The following IGSF11 variants were observed in gnomAD, a reference collection of about 807,000 sequenced individuals.
The protein encoded by IGSF11 is immunoglobulin superfamily member 11.
In IGSF11, 22 loss-of-function variants were observed where a neutral mutation model predicts 41.0. That is an observed-to-expected ratio of 0.54 (90% CI 0.38 to 0.77). IGSF11 has a LOEUF of 0.77. Among genes scored for constraint, IGSF11 ranks in the 30% least tolerant of loss-of-function variants. The pLI, the probability that IGSF11 is intolerant of heterozygous loss-of-function variation, is 0.00. For missense variants in IGSF11, 444 were observed against 530.8 expected (o/e 0.84, Z 1.61); for synonymous variants, 219 against 201.3 (o/e 1.09, Z -0.74).
chr3:119,094,042 C>T (rs2953461), intron 1 of IGSF11, among the ~76,000 whole-genome samples: 149,748 of 151,572 alleles, frequency 0.99, 73,999 homozygotes, highest in Middle Eastern at 1. Context: ...TGCAGAATCT[C>T]GGTAAATCAC....
intron 4 of IGSF11, among the ~76,000 whole-genome samples, chr3:118,916,975 A>C (rs1241464645): frequency 6.6e-6 from 1 of 152,304 alleles, no homozygotes; most frequent in South Asian, 2.1e-4. Flanking sequence ...GCTCAGCTAC[A>C]TGGAAACTGA....
chr3:119,000,965 A>G (rs535178311), intron 1 of IGSF11, among the ~76,000 whole-genome samples: 46 of 152,284 alleles, frequency 3.0e-4, no homozygotes, highest in Middle Eastern at 3.4e-3. Context: ...TTCATTGCCC[A>G]GCAACCATAT....
intron 1 of IGSF11, among the ~76,000 whole-genome samples, chr3:119,046,284 C>G (rs896860134): frequency 6.6e-6 from 1 of 150,838 alleles, no homozygotes; most frequent in Non-Finnish European, 1.5e-5. Context: ...ATAACCAATA[C>G]AGAGAAGTGC....
intron 1 of IGSF11, among the ~76,000 whole-genome samples, chr3:119,043,341 T>G (rs572126903): frequency 1.7e-4 from 26 of 152,306 alleles, no homozygotes; most frequent in African/African-American, 6.3e-4. Flanking sequence ...GGCATTTTAG[T>G]GAGCTCTCTT....
chr3:118,952,849 A>G (rs1210062061), intron 1 of IGSF11, among the ~76,000 whole-genome samples: 1 of 152,164 alleles, frequency 6.6e-6, no homozygotes, highest in East Asian at 1.9e-4. Flanking sequence ...TTATTTGGAA[A>G]ACTCCTGTTT....
chr3:119,007,773 A>G (rs993486397), intron 1 of IGSF11, among the ~76,000 whole-genome samples: 1 of 152,046 alleles, frequency 6.6e-6, no homozygotes, highest in Non-Finnish European at 1.5e-5. Flanking sequence ...CCCTTGCTTT[A>G]TGCCTTCAAA....
At chr3:118,933,470 T>TTATATA (rs1553754813) in intron 1 of IGSF11, among the ~76,000 whole-genome samples, 3,575 of 146,096 alleles carry the variant, frequency 0.024, 157 homozygotes, top group African/African-American at 0.087. Context: ...CATGTATTTT[T>TTATATA]TATATATATA....
chr3:119,015,973 C>T (rs1938634681), intron 1 of IGSF11, among the ~76,000 whole-genome samples: 1 of 152,142 alleles, frequency 6.6e-6, no homozygotes, highest in Admixed American at 6.5e-5. Context: ...AGTCTAACCA[C>T]TGAATGGGGG....
chr3:119,117,482 G>C (rs1169918116), intron 1 of IGSF11, among the ~76,000 whole-genome samples: 2 of 152,068 alleles, frequency 1.3e-5, no homozygotes, highest in African/African-American at 2.4e-5. Context: ...ACTATCACAA[G>C]AACAGCACAG....
chr3:118,989,274 A>G lies in IGSF11; in HGVS notation c.52+45257T>C, dbSNP rs533057542. 3.3e-5 allele frequency among the ~76,000 whole-genome samples: 5 copies of G among 152,260 alleles called. No individual in the cohort carries two copies. The South Asian group carries it at 1.0e-3, about 31-fold the overall frequency. The stretch of plus-strand genomic sequence containing the variant: ...AAAATGTGGCCCTGGACCAGTGCAG[A>G]CCTGTGAATTGTTGGTTGTTGATCC... On this transcript the variant is annotated intron_variant, in intron 1 of 6. Transcript: ENST00000393775.
At chr3:119,010,324 A>G (rs1937961474) in intron 1 of IGSF11, among the ~76,000 whole-genome samples, 1 of 152,240 alleles carries the variant, frequency 6.6e-6, no homozygotes, top group South Asian at 2.1e-4. Context: ...AAAAATAGAA[A>G]TACCACAAGA....
chr3:119,111,589 C>T (rs912364243), intron 1 of IGSF11, among the ~76,000 whole-genome samples: 8 of 152,226 alleles, frequency 5.3e-5, no homozygotes, highest in Non-Finnish European at 1.0e-4. Context: ...CTTCTCTCAA[C>T]TCGTCAAAGT....
rs1355154527 is a variant in IGSF11 at position 119,143,201 on chromosome 3, AT to A, written c.-14+2611del. Among the ~76,000 whole-genome samples the A allele has an allele frequency of 2.5e-3, 377 of 152,292 alleles. 1 individual carries two copies. Among genetic ancestry groups the A allele is most frequent in the African/African-American group, 8.8e-3 (364 of 41,578 alleles). On this transcript the variant is annotated intron_variant, in intron 1 of 7. Transcript: ENST00000425327. ...TAGGTGATTTAATAGCCAGCATTGT[AT>A]TTTTGGTTTGAACCTCTTTTTATGT... is the stretch of plus-strand genomic sequence containing the variant.
rs1461596101 is a variant in IGSF11, at chr3:119,118,210, C to T, written c.-13-13005G>A. On this transcript the variant is annotated intron_variant, in intron 1 of 7. Coordinates refer to the IGSF11 transcript ENST00000425327. ...GCTCTGACCCCACATTTCCCTTCTGCATTGCCCTAGCAAAGGTTCTCCAAG... is the reference window on the plus strand; with the variant it reads ...GCTCTGACCCCACATTTCCCTTCTGTATTGCCCTAGCAAAGGTTCTCCAAG... Among the ~76,000 whole-genome samples, 6 of 152,366 alleles carry T rather than the reference C, an allele frequency of 3.9e-5. No homozygotes were observed. The South Asian group carries it at 1.0e-3, about 26-fold the overall frequency.
At chr3:118,917,273 G>A (rs1278158039) in intron 4 of IGSF11, among the ~76,000 whole-genome samples, 1 of 149,030 alleles carries the variant, frequency 6.7e-6, no homozygotes, top group African/African-American at 2.5e-5. Context: ...AGAACTGAAG[G>A]AAATAGAGAC....
At chr3:119,014,879 A>G (rs1938519684) in intron 1 of IGSF11, among the ~76,000 whole-genome samples, 1 of 152,220 alleles carries the variant, frequency 6.6e-6, no homozygotes, top group Non-Finnish European at 1.5e-5. Flanking sequence ...CTGGCTTGGA[A>G]TTATCAACAT....
In IGSF11 at chr3:119,089,475, C is replaced by T. The variant is rs548329128; in HGVS notation, c.49+15669G>A. Reference sequence around the variant, plus strand: ...TGACAAACCCACAGCCAACATTATACTGAATGGGCAAAAGCTAGAAGCATT... The same window carrying T: ...TGACAAACCCACAGCCAACATTATATTGAATGGGCAAAAGCTAGAAGCATT... On this transcript the variant is annotated intron_variant, in intron 1 of 6. Coordinates refer to the IGSF11 transcript ENST00000354673. Among the ~76,000 whole-genome samples the T allele has an allele frequency of 6.6e-5, 10 of 152,252 alleles. No individual in the cohort carries two copies. The East Asian group carries it at 1.9e-3, about 29-fold the overall frequency.
At chr3:119,046,539 G>T (rs1071403) in intron 1 of IGSF11, among the ~76,000 whole-genome samples, 2 of 151,188 alleles carry the variant, frequency 1.3e-5, no homozygotes, top group Non-Finnish European at 1.5e-5. Context: ...GAAAGTGATG[G>T]GGAGAATGGA....
At chr3:119,103,640 A>G (rs2076974002) in intron 1 of IGSF11, among the ~76,000 whole-genome samples, 1 of 152,176 alleles carries the variant, frequency 6.6e-6, no homozygotes, top group Non-Finnish European at 1.5e-5. Context: ...GTCATCAAAG[A>G]TCAGTTGCTA....
Sources: allele counts gnomAD v4.1 joint callset (sites outside exome capture counted in the v4.1 genomes callset), GRCh38; gene constraint gnomAD v4.1.1; transcripts MANE v1.5; gene names NCBI Gene and HGNC (gene_info 2026-07-23, HGNC 2026-07-21).